ACTR3C: variants seen among roughly 807,000 people sequenced by gnomAD.
ACTR3C encodes actin related protein 3C.
Under a neutral mutation model 26.3 loss-of-function variants are expected in ACTR3C, and 18 were observed. That is an observed-to-expected ratio of 0.68 (90% CI 0.47 to 1.01). The LOEUF (loss-of-function observed/expected upper bound fraction) is 1.01, where lower values mean the gene tolerates loss of function less well. Ranked by LOEUF, ACTR3C falls within the 50% of genes least tolerant of loss-of-function variation. ACTR3C has a pLI of 0.00. For missense variants in ACTR3C, 184 were observed against 250.7 expected (o/e 0.73, Z 1.80); for synonymous variants, 55 against 94.5 (o/e 0.58, Z 2.42).
At chr7:149,989,933 C>T in the ACTR3C span, among the ~76,000 whole-genome samples, 2 of 152,120 alleles carry the variant, frequency 1.3e-5, no homozygotes, top group African/African-American at 2.4e-5. Context: ...CACATCCTCG[C>T]CAACACTTGT....
the ACTR3C span, among the ~76,000 whole-genome samples, chr7:150,232,021 C>T: frequency 0.026 from 3,925 of 152,266 alleles, 82 homozygotes; most frequent in Middle Eastern, 0.051. Flanking sequence ...GTTCCATCAG[C>T]TTTTGCATCA....
chr7:150,079,743 A>G, the ACTR3C span, among the ~76,000 whole-genome samples: 1 of 152,082 alleles, frequency 6.6e-6, no homozygotes, highest in African/African-American at 2.4e-5. Flanking sequence ...ATGTCTACCC[A>G]TTTGGTCACC....
chr7:150,131,288 G>A, the ACTR3C span, among the ~76,000 whole-genome samples: 1 of 151,670 alleles, frequency 6.6e-6, no homozygotes, highest in Admixed American at 6.6e-5. Context: ...TCAAAGTTTT[G>A]GGGAATATGA....
At chr7:150,014,155 C>A in the ACTR3C span, among the ~76,000 whole-genome samples, 2 of 152,092 alleles carry the variant, frequency 1.3e-5, no homozygotes, top group African/African-American at 2.4e-5. Flanking sequence ...TCCAACTAGT[C>A]AATTAAATGA....
At chr7:150,032,157 G>A in the ACTR3C span, among the ~76,000 whole-genome samples, 10 of 152,204 alleles carry the variant, frequency 6.6e-5, no homozygotes, top group African/African-American at 1.7e-4. Flanking sequence ...TAGTGACGAT[G>A]GTGAGGATGG....
the ACTR3C span, among the ~76,000 whole-genome samples, chr7:149,951,237 C>G: frequency 2.5e-5 from 3 of 119,064 alleles, no homozygotes; most frequent in South Asian, 3.1e-4. Flanking sequence ...GCCCCCTACT[C>G]CACCTCCGTA....
At chr7:150,050,306 T>C in the ACTR3C span, among the ~76,000 whole-genome samples, 14 of 152,240 alleles carry the variant, frequency 9.2e-5, no homozygotes, top group South Asian at 2.1e-4. Context: ...ACAATACTTA[T>C]GCAGAATAGT....
the ACTR3C span, among the ~76,000 whole-genome samples, chr7:150,041,726 C>T: frequency 5.1e-4 from 59 of 116,064 alleles, 1 homozygote; most frequent in East Asian, 0.013. Flanking sequence ...GCCTCCCCCT[C>T]CTGCGATGGG....
the ACTR3C span, among the ~76,000 whole-genome samples, chr7:150,122,283 CAA>C: frequency 6.8e-6 from 1 of 148,068 alleles, no homozygotes; most frequent in African/African-American, 2.5e-5. Flanking sequence ...CAAAACAAAA[CAA>C]AACAAAAAAC....
At chr7:150,188,781 A>T in the ACTR3C span, among the ~76,000 whole-genome samples, 1 of 151,526 alleles carries the variant, frequency 6.6e-6, no homozygotes, top group Non-Finnish European at 1.5e-5. Context: ...TACTCTATAC[A>T]AATTATACCT....
the ACTR3C span, among the ~76,000 whole-genome samples, chr7:150,011,858 T>C: frequency 6.6e-6 from 1 of 152,228 alleles, no homozygotes; most frequent in Non-Finnish European, 1.5e-5. Context: ...CTGAAAATAA[T>C]AGACATTAAA....
chr7:149,908,125 C>T, the ACTR3C span, among the ~76,000 whole-genome samples: 1,884 of 152,164 alleles, frequency 0.012, 40 homozygotes, highest in African/African-American at 0.043. Flanking sequence ...CACACACTGA[C>T]ACAGAGATGA....
intron 6 of ACTR3C, among the ~76,000 whole-genome samples, chr7:150,250,364 C>A (rs542269325): frequency 6.6e-6 from 1 of 151,664 alleles, no homozygotes; most frequent in Non-Finnish European, 1.5e-5. Flanking sequence ...CCACTACACC[C>A]GGCTAATTTT....
chr7:150,033,117 T>G, the ACTR3C span, among the ~76,000 whole-genome samples: 593 of 151,614 alleles, frequency 3.9e-3, 1 homozygote, highest in Non-Finnish European at 6.5e-3. Flanking sequence ...GAACGGGGAG[T>G]GGGACAGAGG....
chr7:150,050,098 G>T, the ACTR3C span, among the ~76,000 whole-genome samples: 1 of 152,086 alleles, frequency 6.6e-6, no homozygotes, highest in Non-Finnish European at 1.5e-5. Context: ...CTGTGCTTTT[G>T]ATGGGAGGAA....
the ACTR3C span, among the ~76,000 whole-genome samples, chr7:150,035,749 C>A: frequency 1.5e-5 from 2 of 137,244 alleles, no homozygotes; most frequent in African/African-American, 5.3e-5. Flanking sequence ...CCCCGCCTCG[C>A]GGGGGGTGCG....
the ACTR3C span, among the ~76,000 whole-genome samples, chr7:150,194,528 C>T: frequency 6.6e-6 from 1 of 151,194 alleles, no homozygotes; most frequent in African/African-American, 2.4e-5. Flanking sequence ...ACCATCTTTG[C>T]CTTTTAATTT....
chr7:150,067,329 C>T, the ACTR3C span, among the ~76,000 whole-genome samples: 17 of 152,250 alleles, frequency 1.1e-4, no homozygotes, highest in East Asian at 3.3e-3. Context: ...AGTTCAATGC[C>T]AGTGCAGAGG....
the ACTR3C span, among the ~76,000 whole-genome samples, chr7:150,159,040 G>GCGCA: frequency 6.0e-5 from 1 of 16,560 alleles, no homozygotes; most frequent in Non-Finnish European, 8.5e-5. Context: ...ACACACTCAG[G>GCGCA]CACACACCGT....
Sources: allele counts gnomAD v4.1 joint callset (sites outside exome capture counted in the v4.1 genomes callset), GRCh38; gene constraint gnomAD v4.1.1; transcripts MANE v1.5; gene names NCBI Gene and HGNC (gene_info 2026-07-23, HGNC 2026-07-21).